IMMP2L: variants seen among roughly 807,000 people sequenced by gnomAD.
IMMP2L encodes the protein inner mitochondrial membrane peptidase subunit 2, also known as mitochondrial inner membrane protease subunit 2.
A neutral mutation model predicts 19.3 loss-of-function variants in IMMP2L; 18 were observed. The ratio of observed to expected loss-of-function variants is 0.93; its 90% CI spans 0.64 to 1.38. IMMP2L has a LOEUF of 1.38. Among genes scored for constraint, IMMP2L ranks in the 40% most tolerant of loss-of-function variants. The probability of loss-of-function intolerance (pLI) is 0.00; values close to 1 mark genes in which losing one functional copy is unlikely to be tolerated. For synonymous variants in IMMP2L, 76 were observed against 73.0 expected (o/e 1.04, Z -0.21); for missense variants, 233 against 218.2 (o/e 1.07, Z -0.43).
chr7:111,419,988 C>T (rs1420217210), intron 3 of IMMP2L, among the ~76,000 whole-genome samples: 2 of 151,708 alleles, frequency 1.3e-5, no homozygotes, highest in African/African-American at 4.9e-5. Flanking sequence ...TGAAAACATT[C>T]TGGAAATGGA....
At chr7:110,879,839 T>C (rs1809464463) in intron 5 of IMMP2L, among the ~76,000 whole-genome samples, 1 of 152,182 alleles carries the variant, frequency 6.6e-6, no homozygotes, top group African/African-American at 2.4e-5. Flanking sequence ...TAGCATAATG[T>C]CAAATACAAG....
At chr7:111,363,695 T>C (rs1194944881) in intron 3 of IMMP2L, among the ~76,000 whole-genome samples, 3 of 152,014 alleles carry the variant, frequency 2.0e-5, no homozygotes, top group Non-Finnish European at 4.4e-5. Context: ...ATATAACAAA[T>C]CTAATCATAG....
chr7:110,726,514 G>A (rs542138036), intron 5 of IMMP2L, among the ~76,000 whole-genome samples: 2 of 152,316 alleles, frequency 1.3e-5, no homozygotes, highest in East Asian at 3.9e-4. Context: ...AGGATTCTGA[G>A]AAACCAGTTA....
At chr7:111,437,027 A>G (rs1274633413) in intron 3 of IMMP2L, among the ~76,000 whole-genome samples, 2 of 151,342 alleles carry the variant, frequency 1.3e-5, no homozygotes, top group Middle Eastern at 3.4e-3. Flanking sequence ...TGACCCAACC[A>G]CCTCCCCTAC....
At chr7:111,381,783 AAC>A (rs975499789) in intron 3 of IMMP2L, among the ~76,000 whole-genome samples, 2 of 152,008 alleles carry the variant, frequency 1.3e-5, no homozygotes, top group African/African-American at 4.8e-5. Context: ...CATTCATTCA[AAC>A]ACATCATTAT....
chr7:111,147,218 G>A (rs1803572684), intron 3 of IMMP2L, among the ~76,000 whole-genome samples: 1 of 152,108 alleles, frequency 6.6e-6, no homozygotes, highest in South Asian at 2.1e-4. Context: ...TGTTGCTGCC[G>A]TTGTTGTTGC....
Position 111,446,160 on chromosome 7 carries a change from A to G in IMMP2L, c.239+41078T>C, listed in dbSNP as rs1039060805. Among the ~76,000 whole-genome samples the G allele has an allele frequency of 5.8e-4, 88 of 152,306 alleles. 2 individuals carry two copies. Among genetic ancestry groups the G allele is most frequent in the African/African-American group, 1.9e-3 (81 of 41,562 alleles). On this transcript the variant is annotated intron_variant, in intron 3 of 5. Coordinates refer to ENST00000405709, the MANE Select transcript of IMMP2L (RefSeq NM_032549.4). Reference sequence around the variant, plus strand: ...CGCCCGCCATTGCCCAGGCTTGCTTAGGTAAACAAAGCAGCCTGGAAGCTC... The same window carrying G: ...CGCCCGCCATTGCCCAGGCTTGCTTGGGTAAACAAAGCAGCCTGGAAGCTC...
intron 4 of IMMP2L, among the ~76,000 whole-genome samples, chr7:110,908,493 C>T (rs1245183671): frequency 6.6e-6 from 1 of 152,130 alleles, no homozygotes; most frequent in Non-Finnish European, 1.5e-5. Flanking sequence ...TCAGACTTTT[C>T]TGTGTATACT....
chr7:110,739,452 A>G (rs1357063348), intron 5 of IMMP2L, among the ~76,000 whole-genome samples: 1 of 152,198 alleles, frequency 6.6e-6, no homozygotes, highest in East Asian at 1.9e-4. Flanking sequence ...AAGCAACAGC[A>G]GTTAAAAAAG....
chr7:111,193,516 T>C (rs895162763), intron 3 of IMMP2L, among the ~76,000 whole-genome samples: 1 of 152,170 alleles, frequency 6.6e-6, no homozygotes, highest in Non-Finnish European at 1.5e-5. Context: ...CTCCAACGAC[T>C]TTTAAAGAAA....
chr7:111,547,070 T>C (rs1399735733), intron 1 of IMMP2L, among the ~76,000 whole-genome samples: 1 of 152,204 alleles, frequency 6.6e-6, no homozygotes, highest in East Asian at 1.9e-4. Context: ...TAAGGGCAAC[T>C]AGAAGCCACA....
chr7:111,219,523 G>T (rs1483364524), intron 3 of IMMP2L, among the ~76,000 whole-genome samples: 1 of 151,916 alleles, frequency 6.6e-6, no homozygotes, highest in African/African-American at 2.4e-5. Flanking sequence ...TAGCTCTAAT[G>T]ATATCATAAA....
In IMMP2L at chr7:111,204,790, A is replaced by T. The variant is rs550422851; in HGVS notation, c.240-241225T>A. ...AGAGAAGTTAACTGACCTACTGAAGATCACAGAGTAAGTGTCTACAATTCA... is the reference window on the plus strand; with the variant it reads ...AGAGAAGTTAACTGACCTACTGAAGTTCACAGAGTAAGTGTCTACAATTCA... On this transcript the variant is annotated intron_variant, in intron 3 of 5. Transcript: ENST00000405709. Among the ~76,000 whole-genome samples the T allele has an allele frequency of 1.6e-4, 25 of 152,336 alleles. 1 individual carries two copies. The South Asian group carries it at 5.2e-3, about 32-fold the overall frequency.
chr7:110,856,785 G>T (rs1806827297), intron 5 of IMMP2L, among the ~76,000 whole-genome samples: 1 of 152,034 alleles, frequency 6.6e-6, no homozygotes, highest in African/African-American at 2.4e-5. Context: ...TAATTAATAA[G>T]AAATAACAAC....
intron 3 of IMMP2L, among the ~76,000 whole-genome samples, chr7:111,179,482 T>C (rs1042291378): frequency 1.3e-5 from 2 of 151,998 alleles, no homozygotes; most frequent in Non-Finnish European, 2.9e-5. Flanking sequence ...AACCAAAAGA[T>C]TGGACACTTC....
intron 3 of IMMP2L, among the ~76,000 whole-genome samples, chr7:110,984,452 A>T (rs937996679): frequency 6.6e-6 from 1 of 152,108 alleles, no homozygotes; most frequent in Non-Finnish European, 1.5e-5. Flanking sequence ...AAACACTAGA[A>T]GTGTGAATAT....
At chr7:111,217,126 T>TCTCTCACACACA (rs1472700586) in intron 3 of IMMP2L, among the ~76,000 whole-genome samples, 10 of 123,996 alleles carry the variant, frequency 8.1e-5, no homozygotes, top group African/African-American at 3.2e-4. Context: ...TCTCTCTCTC[T>TCTCTCACACACA]CACACACACA....
intron 3 of IMMP2L, among the ~76,000 whole-genome samples, chr7:111,062,205 G>T (rs1457630930): frequency 6.6e-6 from 1 of 152,186 alleles, no homozygotes; most frequent in Non-Finnish European, 1.5e-5. Flanking sequence ...CATGGCTGGG[G>T]AGGCCTCACA....
chr7:110,936,589 T>A (rs943305479), intron 4 of IMMP2L, among the ~76,000 whole-genome samples: 4 of 152,204 alleles, frequency 2.6e-5, no homozygotes, highest in Non-Finnish European at 5.9e-5. Flanking sequence ...GGAACACTTT[T>A]ACACTGTTGG....
Sources: allele counts gnomAD v4.1 joint callset (sites outside exome capture counted in the v4.1 genomes callset), GRCh38; gene constraint gnomAD v4.1.1; transcripts MANE v1.5; gene names NCBI Gene and HGNC (gene_info 2026-07-23, HGNC 2026-07-21).